Variants in DGKB observed in about 807,000 individuals in gnomAD.
DGKB encodes the protein 90 kDa diacylglycerol kinase.
Under a neutral mutation model 114.3 loss-of-function variants are expected in DGKB, and 67 were observed. The observed-to-expected ratio is 0.59, with a 90% CI of 0.48 to 0.72. The LOEUF (loss-of-function observed/expected upper bound fraction) is 0.72, where lower values mean the gene tolerates loss of function less well. Ranked by LOEUF, DGKB falls within the 30% of genes least tolerant of loss-of-function variation. DGKB has a pLI of 0.00. For missense variants in DGKB, 907 were observed against 975.2 expected (o/e 0.93, Z 0.93); for synonymous variants, 398 against 323.1 (o/e 1.23, Z -2.49).
chr7:14,945,231 A>G (rs915518945), intron 1 of DGKB, among the ~76,000 whole-genome samples: 1 of 151,872 alleles, frequency 6.6e-6, no homozygotes, highest in Non-Finnish European at 1.5e-5. Context: ...GAAAGATAAT[A>G]ATAATGTATA....
chr7:14,683,632 T>C (rs942771705), intron 10 of DGKB, among the ~76,000 whole-genome samples: 9 of 152,044 alleles, frequency 5.9e-5, no homozygotes, highest in African/African-American at 2.2e-4. Context: ...AGATTAAGGG[T>C]TCTAAATGCA....
intron 9 of DGKB, among the ~76,000 whole-genome samples, chr7:14,685,969 T>G (rs530254347): frequency 1.3e-5 from 2 of 152,160 alleles, no homozygotes; most frequent in Non-Finnish European, 2.9e-5. Context: ...ATGCCACAAA[T>G]AGTATATTTT....
chr7:14,973,959 T>C (rs2115317755), intron 1 of DGKB, among the ~76,000 whole-genome samples: 1 of 150,436 alleles, frequency 6.6e-6, no homozygotes, highest in South Asian at 2.1e-4. Context: ...ACATACTATT[T>C]AAAATATATT....
chr7:14,957,739 A>G (rs1278905401), intron 1 of DGKB, among the ~76,000 whole-genome samples: 2 of 151,812 alleles, frequency 1.3e-5, no homozygotes, highest in African/African-American at 4.8e-5. Context: ...TACCATTTGT[A>G]TTTATTACTT....
intron 13 of DGKB, among the ~76,000 whole-genome samples, chr7:14,671,355 C>T (rs562348192): frequency 3.9e-5 from 6 of 152,034 alleles, no homozygotes; most frequent in East Asian, 1.9e-4. Flanking sequence ...AGTCATCACA[C>T]GCTTCAGAGT....
intron 23 of DGKB, among the ~76,000 whole-genome samples, chr7:14,278,102 C>T (rs548896444): frequency 1.3e-5 from 2 of 152,224 alleles, no homozygotes; most frequent in East Asian, 1.9e-4. Flanking sequence ...AGTGCAATTC[C>T]TATGAAAATC....
intron 23 of DGKB, among the ~76,000 whole-genome samples, chr7:14,181,985 A>G (rs1240227310): frequency 6.6e-6 from 1 of 152,164 alleles, no homozygotes; most frequent in Non-Finnish European, 1.5e-5. Context: ...TTCTTAACAC[A>G]TGGTCTGTGA....
At chr7:14,595,846 T>C (rs941549606) in intron 17 of DGKB, among the ~76,000 whole-genome samples, 7 of 152,084 alleles carry the variant, frequency 4.6e-5, no homozygotes, top group African/African-American at 1.7e-4. Context: ...GATGATTTAT[T>C]AGGAATGTTC....
At chr7:14,728,851 C>T (rs1191267986) in intron 5 of DGKB, among the ~76,000 whole-genome samples, 3 of 151,714 alleles carry the variant, frequency 2.0e-5, no homozygotes, top group Non-Finnish European at 2.9e-5. Context: ...TACAGGTGTG[C>T]ACCACCACGC....
intron 2 of DGKB, among the ~76,000 whole-genome samples, chr7:14,831,517 G>A (rs1456691548): frequency 1.3e-5 from 2 of 151,950 alleles, no homozygotes; most frequent in Non-Finnish European, 2.9e-5. Flanking sequence ...CCCTAAATTT[G>A]GGGATTTCCT....
Position 14,285,027 on chromosome 7 carries a change from A to T in DGKB, c.2122+53488T>A, listed in dbSNP as rs537099078. On this transcript the variant is annotated intron_variant, in intron 23 of 25. Transcript: ENST00000402815. ...AAAGTATAATAATAAAAAAATAAAA[A>T]AATAATAAAAAAAAGAAATGTATTG... 1.3e-4 allele frequency among the ~76,000 whole-genome samples: 8 copies of T among 61,284 alleles called. No individual in the cohort carries two copies. The East Asian group carries it at 3.2e-3, about 25-fold the overall frequency. The allele number at this position is 61,284 out of a possible 152,430, so 40.2% of individuals were successfully genotyped here. A position where few individuals can be genotyped will look rare whatever the true frequency, so the allele number is the denominator to read the frequency against.
chr7:14,329,970 C>G lies in DGKB; in HGVS notation c.2122+8545G>C, dbSNP rs543227103. On this transcript the variant is annotated intron_variant, in intron 23 of 25. Coordinates refer to ENST00000402815, the MANE Select transcript of DGKB (RefSeq NM_001350709.2). ...GCCACTATTTTCAATAGACAGAGGA[C>G]TGGACAACTGTGCCACAGAAACAAA... Among the ~76,000 whole-genome samples the G allele has an allele frequency of 8.5e-5, 13 of 152,090 alleles. No homozygotes were observed. In the South Asian group the frequency reaches 2.7e-3, roughly 32 times the overall value.
intron 2 of DGKB, among the ~76,000 whole-genome samples, chr7:14,840,090 C>T (rs1055615488): frequency 6.6e-6 from 1 of 152,100 alleles, no homozygotes; most frequent in African/African-American, 2.4e-5. Context: ...ATGTGTTTAA[C>T]CCTTTTCTCT....
At chr7:14,893,690 A>C (rs1781661563) in intron 1 of DGKB, among the ~76,000 whole-genome samples, 1 of 151,402 alleles carries the variant, frequency 6.6e-6, no homozygotes, top group Non-Finnish European at 1.5e-5. Context: ...GGAGGATAAA[A>C]GAATAATGAT....
chr7:14,321,903 C>G (rs533978465), intron 23 of DGKB, among the ~76,000 whole-genome samples: 1 of 152,118 alleles, frequency 6.6e-6, no homozygotes, highest in Non-Finnish European at 1.5e-5. Context: ...AAAGCTATAC[C>G]ATGTTCACCA....
At chr7:14,459,739 A>C (rs985580053) in intron 21 of DGKB, among the ~76,000 whole-genome samples, 1 of 152,132 alleles carries the variant, frequency 6.6e-6, no homozygotes, top group Non-Finnish European at 1.5e-5. Context: ...TTCAGGAAAT[A>C]CGGAGAACAC....
intron 21 of DGKB, among the ~76,000 whole-genome samples, chr7:14,473,619 C>T (rs1781742758): frequency 6.6e-6 from 1 of 152,150 alleles, no homozygotes; most frequent in African/African-American, 2.4e-5. Context: ...GCACCATGTA[C>T]CTGGAGAAGC....
chr7:14,364,862 G>A (rs1406144908), intron 21 of DGKB, among the ~76,000 whole-genome samples: 1 of 151,848 alleles, frequency 6.6e-6, no homozygotes, highest in African/African-American at 2.4e-5. Flanking sequence ...AAAAGTCGTG[G>A]AGCAACAGAC....
chr7:14,598,025 C>T (rs781576755), intron 17 of DGKB, among the ~76,000 whole-genome samples: 1 of 152,112 alleles, frequency 6.6e-6, no homozygotes. Flanking sequence ...CCAGAATCTA[C>T]ATTCAAATTA....
Sources: gnomAD v4.1 joint callset for allele counts (sites outside exome capture counted in the v4.1 genomes callset) on GRCh38, gnomAD v4.1.1 for gene constraint, MANE v1.5 for transcripts, NCBI Gene and HGNC (gene_info 2026-07-23, HGNC 2026-07-21) for gene names.